CNPY2: variants seen among roughly 807,000 people sequenced by gnomAD.
The protein encoded by CNPY2 is canopy FGF signaling regulator 2, also known as protein canopy homolog 2.
Under a neutral mutation model 25.5 loss-of-function variants are expected in CNPY2, and 19 were observed. The ratio of observed to expected loss-of-function variants is 0.74; its 90% CI spans 0.52 to 1.09. CNPY2 has a LOEUF of 1.09. Ranked by LOEUF, CNPY2 falls within the 50% of genes least tolerant of loss-of-function variation. The pLI is 0.00. For missense variants in CNPY2, 214 were observed against 233.6 expected (o/e 0.92, Z 0.55); for synonymous variants, 82 against 85.0 (o/e 0.96, Z 0.19).
intron 3 of CNPY2, among the ~76,000 whole-genome samples, chr12:56,312,126 C>T (rs1160597374): frequency 1.3e-5 from 2 of 152,168 alleles, no homozygotes; most frequent in Non-Finnish European, 2.9e-5. Flanking sequence ...GATCCGCCCA[C>T]CTTGGCCTCC....
intron 3 of CNPY2, chr12:56,311,735 A>G (rs1388233033): frequency 8.2e-6 from 3 of 366,738 alleles, no homozygotes; most frequent in Non-Finnish European, 1.6e-5. Flanking sequence ...TATTTTTAGT[A>G]GAGATGGGGT....
intron 3 of CNPY2, among the ~76,000 whole-genome samples, chr12:56,314,072 T>C (rs913881746): frequency 4.6e-5 from 7 of 152,084 alleles, no homozygotes; most frequent in Non-Finnish European, 1.0e-4. Flanking sequence ...TGGCTACTTT[T>C]TTGTATTTTT....
rs1040302287 is a variant in CNPY2 at position 56,309,907 on chromosome 12, A to G, written c.*645T>C. 1.4e-6 allele frequency: 1 copy of G among 702,094 alleles called. No homozygotes were observed. The highest frequency in any genetic ancestry group is 1.7e-5 in the African/African-American group (1 of 57,242). 43.5% of individuals were successfully genotyped at this position (702,094 alleles called of 1,614,324 possible). A position where few individuals can be genotyped will look rare whatever the true frequency, so the allele number is the denominator to read the frequency against. On this transcript the variant is annotated 3_prime_UTR_variant, in exon 6 of 6. Transcript: ENST00000273308. The stretch of plus-strand genomic sequence containing the variant: ...ATTTAAAAGCTTAGGCTGGCAAGCA[A>G]GGCCTCTCATTAAACAACCTTCCTT...
chr12:56,313,706 C>T (rs186417669), intron 3 of CNPY2, among the ~76,000 whole-genome samples: 4 of 150,528 alleles, frequency 2.7e-5, no homozygotes, highest in East Asian at 4.0e-4. Flanking sequence ...CCCGAGTTCA[C>T]GCCATTCTTT....
rs1409836110 is a variant in CNPY2 at position 56,311,237 on chromosome 12, C to CT, written c.381dup (p.Asp128ArgfsTer3). 1 of 1,614,134 alleles carries CT rather than the reference C, an allele frequency of 6.2e-7. No homozygotes were observed. Among genetic ancestry groups the CT allele is most frequent in the Non-Finnish European group, 8.5e-7 (1 of 1,179,984 alleles). Reference sequence around the variant, plus strand: ...GCAAACTTGAGGGTGCCGCTAATATCTGAGTCGATTCGGATGCCTTGTAGG... The same window carrying CT: ...GCAAACTTGAGGGTGCCGCTAATATCTTGAGTCGATTCGGATGCCTTGTAGG... On this transcript the variant is annotated frameshift_variant, in exon 4 of 6. Transcript: ENST00000273308. LOFTEE classifies it high-confidence loss of function.
At position 56,311,110 on chromosome 12, in the gene CNPY2, C is replaced by T. The variant is rs2135934917; in HGVS notation, c.409-56G>A. 3.1e-6 allele frequency: 5 copies of T among 1,605,210 alleles called. No homozygotes were observed. The East Asian group carries it at 1.1e-4, about 36-fold the overall frequency. On this transcript the variant is annotated intron_variant, in intron 4 of 5. Transcript: ENST00000273308. ...AGGGCAATAAGAGGCCTCTTGCCTT[C>T]ACTTCCAAAGAGGAGGACAAGGATA...
chr12:56,310,960 G>C lies in CNPY2; in HGVS notation c.503C>G (p.Thr168Arg), dbSNP rs1260785506. Residue 168 changes from threonine (T) to arginine (R), a missense_variant and splice_region_variant, in exon 5 of 6, where the codon ACA becomes AGA. Physicochemically the swap from Thr to Arg is moderately conservative, Grantham distance 71 (BLOSUM62 -1). Coordinates refer to ENST00000273308, the MANE Select transcript of CNPY2 (RefSeq NM_014255.7). Reference sequence around the variant, plus strand: ...GAGATAAAGTGGGGGCAGCTTACCTGTTCGCTTACTGCAAAGTTTGTCTTT... The same window carrying C: ...GAGATAAAGTGGGGGCAGCTTACCTCTTCGCTTACTGCAAAGTTTGTCTTT... ...NVKDKLCSKR[T>R]DLCDHALHIS... 2 of 1,613,928 alleles carry C rather than the reference G, an allele frequency of 1.2e-6. No individual in the cohort carries two copies. The highest frequency in any genetic ancestry group is 1.7e-6 in the Non-Finnish European group (2 of 1,179,848).
Position 56,310,589 on chromosome 12 carries a change from C to G in CNPY2, c.512G>C (p.Cys171Ser). ...ATGCGATATGTGCAGGGCATGGTCA[C>G]AAAGATCTGCAAATGGCAAACAATT... is the stretch of plus-strand genomic sequence containing the variant. ...DKLCSKRTDL[C>S]DHALHISHDE... The change falls in exon 6 of 6, where the codon TGT (cysteine) becomes TCT (serine). Residue 171 changes from cysteine to serine, a missense_variant. By Grantham distance (112) the Cys-to-Ser change is moderately radical. Coordinates refer to ENST00000273308, the MANE Select transcript of CNPY2 (RefSeq NM_014255.7). 1 of 1,614,172 alleles carries G rather than the reference C, an allele frequency of 6.2e-7. No individual in the cohort carries two copies. Among genetic ancestry groups the G allele is most frequent in the Non-Finnish European group, 8.5e-7 (1 of 1,180,030 alleles).
intron 3 of CNPY2, among the ~76,000 whole-genome samples, chr12:56,314,266 G>A (rs1179376396): frequency 6.6e-6 from 1 of 152,058 alleles, no homozygotes; most frequent in East Asian, 1.9e-4. Flanking sequence ...GACCTCCTGG[G>A]CTCAAGTGAT....
At chr12:56,311,490 C>A (rs1175205119) in intron 3 of CNPY2, 76 bp from the exon 4 acceptor site, 3 of 1,369,346 alleles carry the variant, frequency 2.2e-6, no homozygotes, top group Admixed American at 1.7e-5. Flanking sequence ...CTTTTCTTTC[C>A]AAATCTAGCT....
At chr12:56,312,995 A>C (rs1327791811) in intron 3 of CNPY2, 1 of 151,998 alleles carries the variant, frequency 6.6e-6, no homozygotes, top group Non-Finnish European at 1.5e-5. Context: ...TTTTTTTTAA[A>C]TTATAGTTTA....
At chr12:56,312,153 C>T (rs1215403789) in intron 3 of CNPY2, among the ~76,000 whole-genome samples, 1 of 151,908 alleles carries the variant, frequency 6.6e-6, no homozygotes, top group Non-Finnish European at 1.5e-5. Flanking sequence ...GCTGGGATTA[C>T]AGGCATGAGC....
rs929644828 is a variant in CNPY2 at position 56,310,096 on chromosome 12, C to A, written c.*456G>T. On this transcript the variant is annotated 3_prime_UTR_variant, in exon 6 of 6. Coordinates refer to ENST00000273308, the MANE Select transcript of CNPY2 (RefSeq NM_014255.7). Reference sequence around the variant, plus strand: ...TCCTTCAAGACCAAGCCCTGTCTTACTTTATGTTTCAACAGCCATGAACAC... The same window carrying A: ...TCCTTCAAGACCAAGCCCTGTCTTAATTTATGTTTCAACAGCCATGAACAC... The A allele has an allele frequency of 3.0e-6, 2 of 656,600 alleles. No individual in the cohort carries two copies. Among genetic ancestry groups the A allele is most frequent in the African/African-American group, 3.6e-5 (2 of 55,692 alleles). 40.7% of individuals were successfully genotyped at this position (656,600 alleles called of 1,614,324 possible). A position where few individuals can be genotyped will look rare whatever the true frequency, so the allele number is the denominator to read the frequency against.
At position 56,310,053 on chromosome 12, in the gene CNPY2, T is replaced by A. The variant is rs1873673888; in HGVS notation, c.*499A>T. 2.9e-6 allele frequency: 2 copies of A among 697,404 alleles called. No homozygotes were observed. The highest frequency in any genetic ancestry group is 5.2e-6 in the Non-Finnish European group (2 of 382,794). 43.2% of individuals were successfully genotyped at this position (697,404 alleles called of 1,614,324 possible). On this transcript the variant is annotated 3_prime_UTR_variant, in exon 6 of 6. Coordinates refer to ENST00000273308, the MANE Select transcript of CNPY2 (RefSeq NM_014255.7). ...ATCTGGATGGGCAGGGAAGGAAGAA[T>A]AATGCATATCCGTTATTTCCTTCAA...
Position 56,311,432 on chromosome 12 carries a change from C to T in CNPY2, c.205-18G>A, listed in dbSNP as rs1383729569. ...TAAGGCACCTAGAAATGTCCTCAGC[C>T]TTGGGTCACTCTCTTCTACCTCTGT... On this transcript the variant is annotated intron_variant, in intron 3 of 5. Transcript: ENST00000273308. 5 of 1,613,002 alleles carry T rather than the reference C, an allele frequency of 3.1e-6. No individual in the cohort carries two copies. The South Asian group carries it at 5.5e-5, about 18-fold the overall frequency.
In CNPY2 at chr12:56,309,879, C is replaced by T; in HGVS notation, c.*673G>A. ...TACACTTTATTGTTGCCACTGGCAT[C>T]AAATTTAAAAGCTTAGGCTGGCAAG... On this transcript the variant is annotated 3_prime_UTR_variant, in exon 6 of 6. Coordinates refer to ENST00000273308, the MANE Select transcript of CNPY2 (RefSeq NM_014255.7). 2.9e-6 allele frequency: 2 copies of T among 701,748 alleles called. No homozygotes were observed. The highest frequency in any genetic ancestry group is 5.2e-6 in the Non-Finnish European group (2 of 384,616). The allele number at this position is 701,748 out of a possible 1,614,324, so 43.5% of individuals were successfully genotyped here.
intron 1 of CNPY2, among the ~76,000 whole-genome samples, chr12:56,315,475 T>C (rs962722233): frequency 2.0e-5 from 3 of 152,218 alleles, no homozygotes; most frequent in African/African-American, 7.2e-5. Flanking sequence ...CCCCAGACTC[T>C]ACGTGGATAG....
chr12:56,313,241 A>G (rs559797410), intron 3 of CNPY2, among the ~76,000 whole-genome samples: 2 of 152,190 alleles, frequency 1.3e-5, no homozygotes, highest in East Asian at 3.9e-4. Flanking sequence ...CTGTAATCCC[A>G]GCACTTTGAG....
At chr12:56,312,377 C>A (rs1170044706) in intron 3 of CNPY2, 1 of 122,544 alleles carries the variant, frequency 8.2e-6, no homozygotes, top group Non-Finnish European at 1.8e-5. Flanking sequence ...CACCACCACA[C>A]CCAGCTACTT....
Sources: allele counts gnomAD v4.1 joint callset (sites outside exome capture counted in the v4.1 genomes callset), GRCh38; gene constraint gnomAD v4.1.1; transcripts MANE v1.5; gene names NCBI Gene and HGNC (gene_info 2026-07-23, HGNC 2026-07-21).